NXPE2: variants seen among roughly 807,000 people sequenced by gnomAD.
NXPE2 encodes the protein NXPE family member 2.
NXPE2 carries 34 observed loss-of-function variants against 34.4 expected under a neutral mutation model. The observed-to-expected ratio is 0.99, with a 90% CI of 0.75 to 1.31. The LOEUF (loss-of-function observed/expected upper bound fraction) is 1.31. NXPE2 is among the 40% of genes most tolerant of loss of function. The pLI, the probability that NXPE2 is intolerant of heterozygous loss-of-function variation, is 0.00. For missense variants in NXPE2, 649 were observed against 672.5 expected (o/e 0.97, Z 0.39); for synonymous variants, 235 against 231.3 (o/e 1.02, Z -0.15).
the NXPE2 span, among the ~76,000 whole-genome samples, chr11:114,535,985 T>C: frequency 0.16 from 23,619 of 152,092 alleles, 2,000 homozygotes; most frequent in South Asian, 0.23. Context: ...ATACATTCTT[T>C]TCAGCACCAC....
the NXPE2 span, among the ~76,000 whole-genome samples, chr11:114,572,456 A>G: frequency 0.013 from 1,906 of 152,296 alleles, 45 homozygotes; most frequent in African/African-American, 0.043. Flanking sequence ...TCCAACTTAA[A>G]TTAAAAACAT....
the NXPE2 span, among the ~76,000 whole-genome samples, chr11:114,637,991 C>T: frequency 6.6e-6 from 1 of 151,412 alleles, no homozygotes; most frequent in African/African-American, 2.4e-5. Flanking sequence ...TCTGTATTTC[C>T]TGAATCTGAA....
the NXPE2 span, among the ~76,000 whole-genome samples, chr11:114,741,770 A>C: frequency 6.6e-6 from 1 of 152,144 alleles, no homozygotes; most frequent in African/African-American, 2.4e-5. Context: ...GATGTCTTAA[A>C]ACAATATTTT....
At chr11:114,574,108 G>C in the NXPE2 span, among the ~76,000 whole-genome samples, 2 of 152,094 alleles carry the variant, frequency 1.3e-5, no homozygotes, top group African/African-American at 4.8e-5. Context: ...GCTCTTGAAT[G>C]ATCATTGAGT....
At chr11:114,546,420 A>T in the NXPE2 span, among the ~76,000 whole-genome samples, 1 of 151,974 alleles carries the variant, frequency 6.6e-6, no homozygotes, top group African/African-American at 2.4e-5. Context: ...ATAATTATAG[A>T]TATGCATGTA....
chr11:114,698,507 G>A lies in NXPE2; in HGVS notation c.595G>A (p.Gly199Arg), dbSNP rs1164802708. 2.5e-6 allele frequency: 4 copies of A among 1,614,102 alleles called. No individual in the cohort carries two copies. The highest frequency in any genetic ancestry group is 1.3e-5 in the African/African-American group (1 of 75,070). ...LSLLLIHPSE[G>R]VSALWRARNQ... ...TCTGCTGCTCATCCACCCCAGTGAAGGGGTATCAGCTCTCTGGAGGGCAAG... is the reference window on the plus strand; with the variant it reads ...TCTGCTGCTCATCCACCCCAGTGAAAGGGTATCAGCTCTCTGGAGGGCAAG... Residue 199 changes from glycine (G) to arginine (R), a missense_variant, in exon 3 of 6, where the codon GGG (glycine) becomes AGG (arginine). Coordinates refer to ENST00000389586, the MANE Select transcript of NXPE2 (RefSeq NM_182495.6).
At chr11:114,538,489 G>A in the NXPE2 span, among the ~76,000 whole-genome samples, 2 of 152,086 alleles carry the variant, frequency 1.3e-5, no homozygotes, top group African/African-American at 2.4e-5. Context: ...AGAGTGAACA[G>A]GCAACCTACA....
the NXPE2 span, among the ~76,000 whole-genome samples, chr11:114,773,288 C>CCCCCCCG: frequency 9.4e-5 from 9 of 95,906 alleles, no homozygotes; most frequent in South Asian, 3.0e-3. Context: ...CACCCCCCCC[C>CCCCCCCG]CACCCCATTC....
the NXPE2 span, among the ~76,000 whole-genome samples, chr11:114,654,297 C>G: frequency 6.6e-6 from 1 of 151,992 alleles, no homozygotes; most frequent in Non-Finnish European, 1.5e-5. Context: ...CACATTCAAG[C>G]TACCGGATCT....
chr11:114,519,566 G>T, the NXPE2 span, among the ~76,000 whole-genome samples: 3 of 152,092 alleles, frequency 2.0e-5, no homozygotes, highest in African/African-American at 7.2e-5. Flanking sequence ...TCTTTCCCGG[G>T]GTGTCAGGGA....
chr11:114,587,089 A>G, the NXPE2 span, among the ~76,000 whole-genome samples: 18 of 152,124 alleles, frequency 1.2e-4, no homozygotes, highest in African/African-American at 4.3e-4. Context: ...CCTTTGCGGA[A>G]ACACTCTTAA....
chr11:114,653,808 G>A, the NXPE2 span, among the ~76,000 whole-genome samples: 10 of 151,898 alleles, frequency 6.6e-5, no homozygotes, highest in South Asian at 2.1e-4. Flanking sequence ...GATTACAGGC[G>A]TGAGCCACCG....
chr11:114,765,772 C>T, the NXPE2 span, among the ~76,000 whole-genome samples: 1 of 152,246 alleles, frequency 6.6e-6, no homozygotes. Context: ...TTCCTTAATG[C>T]TTTGTTTCTC....
At chr11:114,619,510 A>T in the NXPE2 span, among the ~76,000 whole-genome samples, 1 of 151,840 alleles carries the variant, frequency 6.6e-6, no homozygotes, top group Non-Finnish European at 1.5e-5. Flanking sequence ...CCTCGTGGGT[A>T]ACCACTGTTA....
chr11:114,584,684 T>C, the NXPE2 span: 1 of 154,656 alleles, frequency 6.5e-6, no homozygotes, highest in Non-Finnish European at 1.4e-5. Context: ...AAGGAGCAGG[T>C]CAAGCTGGCC....
the NXPE2 span, among the ~76,000 whole-genome samples, chr11:114,767,247 T>A: frequency 3.3e-5 from 5 of 152,204 alleles, no homozygotes; most frequent in Non-Finnish European, 7.4e-5. Flanking sequence ...TTCATTTACA[T>A]TAGCTCATTT....
the NXPE2 span, among the ~76,000 whole-genome samples, chr11:114,796,782 G>A: frequency 6.9e-4 from 105 of 152,196 alleles, no homozygotes; most frequent in Non-Finnish European, 1.1e-3. Context: ...ATAGAGTGAT[G>A]AGTGCTCAGA....
chr11:114,524,772 C>T, the NXPE2 span, among the ~76,000 whole-genome samples: 770 of 152,222 alleles, frequency 5.1e-3, 4 homozygotes, highest in African/African-American at 0.018. Flanking sequence ...CATTTTGCCA[C>T]GTCTCAAACT....
chr11:114,727,327 G>T, the NXPE2 span, among the ~76,000 whole-genome samples: 741 of 152,114 alleles, frequency 4.9e-3, 4 homozygotes, highest in African/African-American at 0.017. Context: ...TCAGGAGTAA[G>T]AAAAAGCAGA....
Sources: gnomAD v4.1 joint callset for allele counts (sites outside exome capture counted in the v4.1 genomes callset) on GRCh38, gnomAD v4.1.1 for gene constraint, MANE v1.5 for transcripts, NCBI Gene and HGNC (gene_info 2026-07-23, HGNC 2026-07-21) for gene names.